Variants in ARHGAP15 observed in about 807,000 individuals in gnomAD.
ARHGAP15 encodes rho GTPase-activating protein 15.
ARHGAP15 carries 51 observed loss-of-function variants against 63.7 expected under a neutral mutation model. That is an observed-to-expected ratio of 0.80 (90% CI 0.64 to 1.01). The LOEUF (loss-of-function observed/expected upper bound fraction) is 1.01. Among genes scored for constraint, ARHGAP15 ranks in the 50% least tolerant of loss-of-function variants. ARHGAP15 has a pLI of 0.00. For synonymous variants in ARHGAP15, 191 were observed against 193.8 expected (o/e 0.99, Z 0.12); for missense variants, 560 against 564.6 (o/e 0.99, Z 0.08).
At chr2:143,382,755 G>A (rs1295397469) in intron 6 of ARHGAP15, among the ~76,000 whole-genome samples, 2 of 152,164 alleles carry the variant, frequency 1.3e-5, no homozygotes, top group Non-Finnish European at 2.9e-5. Context: ...GAGGCTGAAA[G>A]TGCCATCGCC....
At chr2:143,428,966 C>A (rs183442461) in intron 6 of ARHGAP15, among the ~76,000 whole-genome samples, 5 of 151,920 alleles carry the variant, frequency 3.3e-5, no homozygotes, top group Admixed American at 3.3e-4. Flanking sequence ...ACAAGTACAC[C>A]CCCCCAGTTT....
intron 3 of ARHGAP15, among the ~76,000 whole-genome samples, chr2:143,210,765 C>A (rs1370106644): frequency 6.6e-6 from 1 of 152,116 alleles, no homozygotes; most frequent in African/African-American, 2.4e-5. Flanking sequence ...TCAAGGACCT[C>A]TTTGAGAATT....
At chr2:143,508,436 T>A (rs753627681) in intron 9 of ARHGAP15, among the ~76,000 whole-genome samples, 2 of 152,248 alleles carry the variant, frequency 1.3e-5, no homozygotes, top group Non-Finnish European at 2.9e-5. Flanking sequence ...TCATGTTTAT[T>A]TTCCCCATTT....
chr2:143,527,859 A>G (rs1423056936), intron 10 of ARHGAP15, among the ~76,000 whole-genome samples: 1 of 152,040 alleles, frequency 6.6e-6, no homozygotes, highest in African/African-American at 2.4e-5. Context: ...CATATAGTTG[A>G]TAGTATAAAA....
intron 8 of ARHGAP15, among the ~76,000 whole-genome samples, chr2:143,480,942 G>A (rs1450233618): frequency 7.9e-5 from 12 of 152,276 alleles, no homozygotes; most frequent in South Asian, 6.2e-4. Context: ...TCTTATTTAT[G>A]TAATTTGGAA....
At chr2:143,579,576 C>T (rs7563343) in intron 11 of ARHGAP15, among the ~76,000 whole-genome samples, 48,435 of 151,928 alleles carry the variant, frequency 0.32, 9,426 homozygotes, top group African/African-American at 0.55. Context: ...GTGCCCACGA[C>T]CGTGAGGGGA....
rs113878091 is a variant in ARHGAP15 at position 143,722,054 on chromosome 2, T to G, written c.1244+18530T>G. On this transcript the variant is annotated intron_variant, in intron 13 of 13. Transcript: ENST00000295095. ...AAAGCCTCAGTATAGCATTAAAAAC[T>G]TAATTGTTGGTTAGATTAATTTGTA... 7.8e-3 allele frequency among the ~76,000 whole-genome samples: 1,191 copies of G among 152,286 alleles called. 12 individuals carry two copies. Among genetic ancestry groups the G allele is most frequent in the African/African-American group, 0.027 (1,142 of 41,568 alleles).
chr2:143,496,487 G>C (rs1051433259), intron 9 of ARHGAP15, among the ~76,000 whole-genome samples: 1 of 152,048 alleles, frequency 6.6e-6, no homozygotes, highest in African/African-American at 2.4e-5. Context: ...TTTCTTATGG[G>C]GACAGATCTT....
chr2:143,157,480 G>T (rs1311817221), intron 2 of ARHGAP15, among the ~76,000 whole-genome samples: 3 of 151,798 alleles, frequency 2.0e-5, no homozygotes, highest in Non-Finnish European at 2.9e-5. Context: ...GTTTTCCAAA[G>T]TTAAATTAGC....
chr2:143,142,095 T>A (rs1054833077), intron 1 of ARHGAP15, among the ~76,000 whole-genome samples: 17 of 152,114 alleles, frequency 1.1e-4, no homozygotes, highest in African/African-American at 3.1e-4. Context: ...TGTTTTTTTT[T>A]AAAAGTAACA....
chr2:143,536,319 G>C (rs1694757238), intron 10 of ARHGAP15, among the ~76,000 whole-genome samples: 1 of 151,736 alleles, frequency 6.6e-6, no homozygotes. Flanking sequence ...TTCTGTTCCT[G>C]GTTTATTTCA....
intron 8 of ARHGAP15, among the ~76,000 whole-genome samples, chr2:143,442,746 T>C (rs1320766727): frequency 6.6e-6 from 1 of 152,174 alleles, no homozygotes; most frequent in African/African-American, 2.4e-5. Flanking sequence ...ATCATGATCC[T>C]ATTGTTTCAT....
chr2:143,378,795 A>G (rs1240649966), intron 6 of ARHGAP15, among the ~76,000 whole-genome samples: 2 of 152,044 alleles, frequency 1.3e-5, no homozygotes, highest in African/African-American at 4.8e-5. Context: ...CAAAGATTTG[A>G]ATTATATCCA....
chr2:143,742,650 T>C (rs1349410106), intron 13 of ARHGAP15, among the ~76,000 whole-genome samples: 1 of 152,216 alleles, frequency 6.6e-6, no homozygotes, highest in Non-Finnish European at 1.5e-5. Context: ...ACTCAACCAG[T>C]TGCTTTGGAG....
intron 5 of ARHGAP15, among the ~76,000 whole-genome samples, chr2:143,243,490 G>A (rs1291558034): frequency 1.3e-5 from 2 of 152,070 alleles, no homozygotes; most frequent in African/African-American, 4.8e-5. Context: ...GAAATATGGT[G>A]TGTACATTCT....
intron 10 of ARHGAP15, among the ~76,000 whole-genome samples, chr2:143,526,905 C>G (rs1183490158): frequency 6.6e-6 from 1 of 152,084 alleles, no homozygotes; most frequent in Non-Finnish European, 1.5e-5. Context: ...ACTTTCACAA[C>G]AGTGTCACTC....
chr2:143,499,823 T>G (rs1254607663), intron 9 of ARHGAP15, among the ~76,000 whole-genome samples: 1 of 152,126 alleles, frequency 6.6e-6, no homozygotes, highest in African/African-American at 2.4e-5. Context: ...AGCCTCTCCT[T>G]TGCTTTCTTA....
At chr2:143,172,034 C>T (rs1201161044) in intron 2 of ARHGAP15, 1 of 151,962 alleles carries the variant, frequency 6.6e-6, no homozygotes, top group African/African-American at 2.4e-5. Flanking sequence ...CTTAGCATTT[C>T]AGCTACATTC....
chr2:143,405,459 A>G (rs577489060), intron 6 of ARHGAP15, among the ~76,000 whole-genome samples: 226 of 151,974 alleles, frequency 1.5e-3, no homozygotes, highest in Non-Finnish European at 2.7e-3. Flanking sequence ...CCCTTTATAA[A>G]ACATAAAAAA....
Sources: gnomAD v4.1 joint callset for allele counts (sites outside exome capture counted in the v4.1 genomes callset) on GRCh38, gnomAD v4.1.1 for gene constraint, MANE v1.5 for transcripts, NCBI Gene and HGNC (gene_info 2026-07-23, HGNC 2026-07-21) for gene names.